Variants in SLC24A3 observed in about 807,000 individuals in gnomAD.
SLC24A3 encodes sodium/potassium/calcium exchanger 3.
Under a neutral mutation model 75.8 loss-of-function variants are expected in SLC24A3, and 28 were observed. The ratio of observed to expected loss-of-function variants is 0.37; its 90% CI spans 0.27 to 0.51. The LOEUF is 0.51. SLC24A3 is among the 20% of genes least tolerant of loss of function. The pLI is 0.94. For missense variants in SLC24A3, 663 were observed against 847.8 expected (o/e 0.78, Z 2.71); for synonymous variants, 372 against 334.1 (o/e 1.11, Z -1.24).
intron 15 of SLC24A3, among the ~76,000 whole-genome samples, chr20:19,699,955 G>A (rs2032852357): frequency 2.0e-5 from 3 of 152,106 alleles, no homozygotes; most frequent in Admixed American, 1.3e-4. Context: ...TGACAAATTG[G>A]TACAGCATGG....
chr20:19,635,688 T>C (rs2031991702), intron 6 of SLC24A3, among the ~76,000 whole-genome samples: 2 of 152,104 alleles, frequency 1.3e-5, no homozygotes, highest in Non-Finnish European at 2.9e-5. Context: ...GGCACCTGGA[T>C]TGGGGTGACT....
rs140443715 is a variant in SLC24A3 at position 19,677,853 on chromosome 20, G to C, written c.768-4005G>C. On this transcript the variant is annotated intron_variant, in intron 9 of 16. Coordinates refer to ENST00000328041, the MANE Select transcript of SLC24A3 (RefSeq NM_020689.4). ...GTTTTCCTAGGGAGAGGACCCTGAG[G>C]CCTTCCGCAGTGTTTGCCTCCCTGG... Among the ~76,000 whole-genome samples, 176 of 152,084 alleles carry C rather than the reference G, an allele frequency of 1.2e-3. 1 individual carries two copies. In the East Asian group the frequency reaches 0.028, roughly 24 times the overall value.
chr20:19,376,144 GAAGGA>G (rs1986079876), intron 2 of SLC24A3, among the ~76,000 whole-genome samples: 1 of 152,170 alleles, frequency 6.6e-6, no homozygotes, highest in South Asian at 2.1e-4. Context: ...AAATAAGGAT[GAAGGA>G]AAGAGGAAAA....
At chr20:19,484,877 T>C (rs552821140) in intron 2 of SLC24A3, among the ~76,000 whole-genome samples, 17 of 152,334 alleles carry the variant, frequency 1.1e-4, no homozygotes, top group African/African-American at 3.4e-4. Context: ...AAATTAAAAC[T>C]AACTTTAAAA....
chr20:19,233,951 T>A (rs1394287254), intron 1 of SLC24A3, among the ~76,000 whole-genome samples: 10 of 152,236 alleles, frequency 6.6e-5, no homozygotes, highest in Admixed American at 2.0e-4. Flanking sequence ...TGATTATTGC[T>A]TTTAAGTCTC....
At chr20:19,680,176 GTGTC>G (rs2032597443) in intron 9 of SLC24A3, among the ~76,000 whole-genome samples, 1 of 131,542 alleles carries the variant, frequency 7.6e-6, no homozygotes, top group Admixed American at 7.3e-5. Context: ...GTGTCTCTGT[GTGTC>G]TGTATGTGCA....
chr20:19,495,656 G>A (rs1320005353), intron 2 of SLC24A3, among the ~76,000 whole-genome samples: 1 of 152,230 alleles, frequency 6.6e-6, no homozygotes, highest in Non-Finnish European at 1.5e-5. Flanking sequence ...ATATTTGCAA[G>A]ACTTGACTCC....
At chr20:19,654,540 A>G (rs1204027580) in intron 7 of SLC24A3, among the ~76,000 whole-genome samples, 1 of 150,642 alleles carries the variant, frequency 6.6e-6, no homozygotes, top group African/African-American at 2.4e-5. Context: ...ACACCCACAC[A>G]TGTCACTTAG....
chr20:19,214,069 A>G (rs1469791459), intron 1 of SLC24A3, among the ~76,000 whole-genome samples: 2 of 152,130 alleles, frequency 1.3e-5, no homozygotes, highest in Non-Finnish European at 2.9e-5. Context: ...ACCGTAAAAT[A>G]TTTTCAAAGG....
chr20:19,466,669 A>C (rs1336274197), intron 2 of SLC24A3, among the ~76,000 whole-genome samples: 1 of 149,882 alleles, frequency 6.7e-6, no homozygotes, highest in East Asian at 1.9e-4. Flanking sequence ...GCTGGCCTAT[A>C]TTTAGGGGCT....
intron 3 of SLC24A3, among the ~76,000 whole-genome samples, chr20:19,534,187 T>C (rs926739324): frequency 1.3e-5 from 2 of 152,268 alleles, no homozygotes; most frequent in Admixed American, 6.5e-5. Context: ...TGTTGGCAGT[T>C]ACTGCCGTGT....
intron 2 of SLC24A3, among the ~76,000 whole-genome samples, chr20:19,335,565 A>G (rs192085146): frequency 6.6e-6 from 1 of 152,282 alleles, no homozygotes; most frequent in Admixed American, 6.5e-5. Context: ...TATTGTTGCA[A>G]GGGGGTTACT....
chr20:19,603,634 G>T (rs1006039159), intron 6 of SLC24A3, among the ~76,000 whole-genome samples: 2 of 152,254 alleles, frequency 1.3e-5, no homozygotes, highest in African/African-American at 4.8e-5. Context: ...TCAGAAGAAA[G>T]AAGAGGTTTC....
chr20:19,572,689 G>C (rs2031072169), intron 3 of SLC24A3, among the ~76,000 whole-genome samples: 1 of 152,146 alleles, frequency 6.6e-6, no homozygotes, highest in South Asian at 2.1e-4. Context: ...CCTCTTCCCT[G>C]CAAACCCCCA....
chr20:19,396,387 G>C (rs1456272196), intron 2 of SLC24A3, among the ~76,000 whole-genome samples: 1 of 152,142 alleles, frequency 6.6e-6, no homozygotes, highest in Non-Finnish European at 1.5e-5. Context: ...TTTTAGTATT[G>C]AGATAGTATC....
chr20:19,686,815 C>T (rs559055319), intron 12 of SLC24A3, among the ~76,000 whole-genome samples: 1 of 152,320 alleles, frequency 6.6e-6, no homozygotes, highest in East Asian at 1.9e-4. Flanking sequence ...CCTATTCCCC[C>T]AGGTCCCTTA....
At chr20:19,325,777 C>CATATATATATATATATATATATAT (rs1164485509) in intron 2 of SLC24A3, among the ~76,000 whole-genome samples, 2 of 58,402 alleles carry the variant, frequency 3.4e-5, no homozygotes, top group South Asian at 7.0e-4. Flanking sequence ...TATATATATA[C>CATATATATATATATATATATATAT]ATATATATAT....
At chr20:19,407,507 T>A (rs1238278872) in intron 2 of SLC24A3, among the ~76,000 whole-genome samples, 1 of 152,184 alleles carries the variant, frequency 6.6e-6, no homozygotes, top group African/African-American at 2.4e-5. Flanking sequence ...CAACAAAGTT[T>A]TCCTGCTTTA....
chr20:19,295,893 C>T (rs1984048025), intron 2 of SLC24A3, among the ~76,000 whole-genome samples: 2 of 152,150 alleles, frequency 1.3e-5, no homozygotes, highest in Middle Eastern at 3.4e-3. Flanking sequence ...GAGAGAAGTC[C>T]CTCCTTCTCA....
Sources: allele counts gnomAD v4.1 joint callset (sites outside exome capture counted in the v4.1 genomes callset), GRCh38; gene constraint gnomAD v4.1.1; transcripts MANE v1.5; gene names NCBI Gene and HGNC (gene_info 2026-07-23, HGNC 2026-07-21).